The following CCSER1 variants were observed in gnomAD, a reference collection of about 807,000 sequenced individuals.
CCSER1 encodes the protein serine-rich coiled-coil domain-containing protein 1.
In CCSER1, 41 loss-of-function variants were observed where a neutral mutation model predicts 82.0. The observed-to-expected ratio is 0.50, with a 90% CI of 0.39 to 0.65. The LOEUF (loss-of-function observed/expected upper bound fraction) is 0.65. CCSER1 is among the 30% of genes least tolerant of loss of function. The probability of loss-of-function intolerance (pLI) is 0.00; values close to 1 mark genes in which losing one functional copy is unlikely to be tolerated. For synonymous variants in CCSER1, 414 were observed against 383.9 expected (o/e 1.08, Z -0.92); for missense variants, 1,119 against 1,064.2 (o/e 1.05, Z -0.72).
At chr4:91,068,280 G>A (rs1721051919) in intron 9 of CCSER1, among the ~76,000 whole-genome samples, 1 of 152,124 alleles carries the variant, frequency 6.6e-6, no homozygotes, top group African/African-American at 2.4e-5. Flanking sequence ...TTTATTTTCA[G>A]TTAGTTCTTT....
chr4:90,923,419 C>T lies in CCSER1; in HGVS notation c.2144C>T (p.Ser715Phe), dbSNP rs2150251177. 1.3e-6 allele frequency: 2 copies of T among 1,551,226 alleles called. No homozygotes were observed. The highest frequency in any genetic ancestry group is 4.9e-5 in the East Asian group (2 of 40,894). ...GCTTTTGCTTCAAGAGTAGATAAAT[C>T]CACACAGACTGAACTACTATGCTAT... ...QKAFASRVDK[S>F]TQTELLCYDG... The change falls in exon 9 of 11, where the codon TCC becomes TTC. Residue 715 changes from serine (S) to phenylalanine (F), a missense_variant. Transcript: ENST00000509176.
chr4:90,258,030 T>C (rs1578794160), intron 1 of CCSER1, among the ~76,000 whole-genome samples: 1 of 152,044 alleles, frequency 6.6e-6, no homozygotes, highest in African/African-American at 2.4e-5. Context: ...AGTTGACACA[T>C]AAAATTAACC....
At chr4:91,048,359 T>C (rs1360402333) in intron 9 of CCSER1, among the ~76,000 whole-genome samples, 2 of 141,270 alleles carry the variant, frequency 1.4e-5, no homozygotes, top group African/African-American at 4.9e-5. Context: ...TTTAAAAATA[T>C]ATTTTTCTTC....
In CCSER1 at chr4:91,584,436, C is replaced by A. The variant is rs149516301; in HGVS notation, c.2218-14136C>A. Reference sequence around the variant, plus strand: ...AGGCATTTATTTCATATTGGTGAGACCCTGAGCATAGGATCCAGTAAAAAA... The same window carrying A: ...AGGCATTTATTTCATATTGGTGAGAACCTGAGCATAGGATCCAGTAAAAAA... On this transcript the variant is annotated intron_variant, in intron 10 of 10. Coordinates refer to ENST00000509176, the MANE Select transcript of CCSER1 (RefSeq NM_001145065.2). 4.0e-4 allele frequency among the ~76,000 whole-genome samples: 61 copies of A among 151,542 alleles called. 1 individual carries two copies. In the East Asian group the frequency reaches 8.3e-3, roughly 21 times the overall value.
intron 10 of CCSER1, among the ~76,000 whole-genome samples, chr4:91,578,940 G>T (rs1043995973): frequency 1.3e-5 from 2 of 151,816 alleles, no homozygotes; most frequent in Non-Finnish European, 2.9e-5. Flanking sequence ...ATATCTGCTT[G>T]ATTTGAATAA....
intron 3 of CCSER1, among the ~76,000 whole-genome samples, chr4:90,340,373 A>G (rs1333021269): frequency 2.0e-5 from 3 of 152,190 alleles, no homozygotes; most frequent in South Asian, 2.1e-4. Context: ...CTTTCATAGT[A>G]AATATCCTGT....
chr4:90,631,459 T>G (rs1204837567), intron 6 of CCSER1, among the ~76,000 whole-genome samples: 2 of 152,178 alleles, frequency 1.3e-5, no homozygotes, highest in African/African-American at 4.8e-5. Flanking sequence ...CTTTGTTGTT[T>G]TTGAGGGAAC....
chr4:91,464,942 T>A (rs191994561), intron 10 of CCSER1, among the ~76,000 whole-genome samples: 18 of 152,266 alleles, frequency 1.2e-4, no homozygotes, highest in Admixed American at 9.2e-4. Flanking sequence ...ATTAGACAGA[T>A]CAATGAGACA....
At chr4:91,464,647 G>A (rs1446932620) in intron 10 of CCSER1, among the ~76,000 whole-genome samples, 1 of 152,068 alleles carries the variant, frequency 6.6e-6, no homozygotes, top group Non-Finnish European at 1.5e-5. Flanking sequence ...CAAAATAAAG[G>A]GATGGAGGAA....
chr4:90,207,971 G>C (rs756791396), intron 1 of CCSER1, among the ~76,000 whole-genome samples: 3 of 152,190 alleles, frequency 2.0e-5, no homozygotes, highest in African/African-American at 4.8e-5. Flanking sequence ...AGGGGGAATG[G>C]GGGTTGGGGA....
intron 5 of CCSER1, among the ~76,000 whole-genome samples, chr4:90,481,763 T>G (rs1766017052): frequency 6.6e-6 from 1 of 152,218 alleles, no homozygotes; most frequent in Non-Finnish European, 1.5e-5. Context: ...GTTGCTGGAT[T>G]CGGTTTGCCA....
intron 10 of CCSER1, among the ~76,000 whole-genome samples, chr4:91,575,371 T>A (rs1002204439): frequency 2.0e-5 from 3 of 151,806 alleles, no homozygotes; most frequent in Non-Finnish European, 4.4e-5. Flanking sequence ...TCAAGCAGAA[T>A]GTCATCAAAC....
At chr4:91,016,299 G>C (rs4693251) in intron 9 of CCSER1, among the ~76,000 whole-genome samples, 15,363 of 151,656 alleles carry the variant, frequency 0.1, 915 homozygotes, top group East Asian at 0.18. Context: ...TTATTTAAAG[G>C]CTCCTGAAAT....
At chr4:90,670,297 A>G (rs1732558839) in intron 6 of CCSER1, among the ~76,000 whole-genome samples, 1 of 152,130 alleles carries the variant, frequency 6.6e-6, no homozygotes, top group African/African-American at 2.4e-5. Context: ...ACAGGATTTC[A>G]GTTGCCCATA....
At chr4:90,813,980 G>A (rs1332911215) in intron 7 of CCSER1, among the ~76,000 whole-genome samples, 1 of 152,138 alleles carries the variant, frequency 6.6e-6, no homozygotes, top group Admixed American at 6.5e-5. Flanking sequence ...CTCCTTAAGG[G>A]CTCTACCCCT....
chr4:91,157,338 A>G (rs952609869), intron 10 of CCSER1, among the ~76,000 whole-genome samples: 8 of 152,000 alleles, frequency 5.3e-5, no homozygotes, highest in African/African-American at 1.4e-4. Context: ...ACATAGGAGG[A>G]AAAGTAACAA....
chr4:91,497,300 A>G (rs897124517), intron 10 of CCSER1, among the ~76,000 whole-genome samples: 1 of 151,704 alleles, frequency 6.6e-6, no homozygotes, highest in African/African-American at 2.4e-5. Context: ...TGCTAAGTCT[A>G]TATGCTGATC....
chr4:90,839,783 T>C (rs1762328698), intron 8 of CCSER1, among the ~76,000 whole-genome samples: 1 of 152,194 alleles, frequency 6.6e-6, no homozygotes, highest in African/African-American at 2.4e-5. Flanking sequence ...TCTTCTCCCA[T>C]TCTTCTAAAA....
At chr4:91,437,761 C>T (rs1050028528) in intron 10 of CCSER1, among the ~76,000 whole-genome samples, 11 of 152,198 alleles carry the variant, frequency 7.2e-5, no homozygotes, top group Admixed American at 2.0e-4. Context: ...CCTGGAAAAT[C>T]GGGTCACTCC....
Sources: gnomAD v4.1 joint callset for allele counts (sites outside exome capture counted in the v4.1 genomes callset) on GRCh38, gnomAD v4.1.1 for gene constraint, MANE v1.5 for transcripts, NCBI Gene and HGNC (gene_info 2026-07-23, HGNC 2026-07-21) for gene names.